Variants in TPO observed in about 807,000 individuals in gnomAD.
TPO encodes the protein thyroid peroxidase, also known as thyroid microsomal antigen.
In TPO, 78 loss-of-function variants were observed where a neutral mutation model predicts 96.9. The observed-to-expected ratio is 0.81, with a 90% CI of 0.67 to 0.97. The LOEUF (loss-of-function observed/expected upper bound fraction) is 0.97, where lower values mean the gene tolerates loss of function less well. Among genes scored for constraint, TPO ranks in the 50% least tolerant of loss-of-function variants. The pLI, the probability that TPO is intolerant of heterozygous loss-of-function variation, is 0.00. For missense variants in TPO, 1,252 were observed against 1,274.8 expected, an observed-to-expected ratio of 0.98 and a Z score of 0.27; for synonymous variants, 547 against 538.0, an observed-to-expected ratio of 1.02 and a Z score of -0.23.
intron 7 of TPO, among the ~76,000 whole-genome samples, chr2:1,476,441 C>A (rs1339819022): frequency 1.3e-5 from 2 of 152,196 alleles, no homozygotes; most frequent in African/African-American, 4.8e-5. Context: ...AAGATGGAAG[C>A]TGGCCACAGC....
chr2:1,453,824 G>A lies in TPO; in HGVS notation c.612+1G>A, dbSNP rs1558304580. The A allele has an allele frequency of 5.0e-6, 8 of 1,613,704 alleles. No individual in the cohort carries two copies. Among genetic ancestry groups the A allele is most frequent in the Non-Finnish European group, 4.2e-6 (5 of 1,180,026 alleles). On this transcript the variant is annotated splice_donor_variant, in intron 6 of 16. Transcript: ENST00000329066. LOFTEE classifies it high-confidence loss of function. ...GTACAACGGGTTCCCACTGCCCCCG[G>A]TGGGTACTCAGAACGCTACTATCCT...
intron 7 of TPO, among the ~76,000 whole-genome samples, chr2:1,465,246 C>T (rs1426135266): frequency 6.6e-6 from 1 of 152,138 alleles, no homozygotes; most frequent in Non-Finnish European, 1.5e-5. Context: ...CTATTCTATT[C>T]CATTGGTCTA....
chr2:1,463,314 G>A (rs1014755700), intron 7 of TPO, among the ~76,000 whole-genome samples: 5 of 152,132 alleles, frequency 3.3e-5, no homozygotes, highest in African/African-American at 1.2e-4. Flanking sequence ...AAAATATACC[G>A]TATACTCTAG....
chr2:1,437,426 T>G (rs1665689258), intron 5 of TPO, among the ~76,000 whole-genome samples: 1 of 148,154 alleles, frequency 6.7e-6, no homozygotes. Flanking sequence ...CTGCTGGGTG[T>G]GCTGAGGTCA....
rs1680649080 is a variant in TPO, at chr2:1,540,700, G to GC, written c.2727dup (p.Ala910ArgfsTer71). ...GGCCGTAGGGACCTCACCGCAGCGG[G>GC]CCGCAGCTCAGGACTCGGAGCAGGT... On this transcript the variant is annotated frameshift_variant, in exon 16 of 17. Coordinates refer to ENST00000329066, the MANE Select transcript of TPO (RefSeq NM_001206744.2). LOFTEE classifies it low-confidence loss of function (END_TRUNC). 1.2e-6 allele frequency: 2 copies of GC among 1,612,924 alleles called. No individual in the cohort carries two copies. Among genetic ancestry groups the GC allele is most frequent in the African/African-American group, 2.7e-5 (2 of 74,582 alleles).
At chr2:1,539,386 C>A (rs998332139) in intron 15 of TPO, among the ~76,000 whole-genome samples, 1 of 152,170 alleles carries the variant, frequency 6.6e-6, no homozygotes. Flanking sequence ...TCAAGCGACA[C>A]CCCAGCCCCC....
At chr2:1,418,147 C>T (rs1395417685) in intron 2 of TPO, among the ~76,000 whole-genome samples, 8 of 152,024 alleles carry the variant, frequency 5.3e-5, no homozygotes, top group East Asian at 1.9e-4. Flanking sequence ...ATTAGCTGGG[C>T]GTGGTGGTGC....
intron 7 of TPO, among the ~76,000 whole-genome samples, chr2:1,475,205 A>G (rs995098877): frequency 1.2e-4 from 19 of 152,130 alleles, no homozygotes; most frequent in African/African-American, 4.6e-4. Context: ...GTGCTCTTCA[A>G]TTTAATTCCT....
chr2:1,427,822 A>G (rs1664579758), intron 3 of TPO, among the ~76,000 whole-genome samples: 2 of 152,024 alleles, frequency 1.3e-5, no homozygotes, highest in African/African-American at 4.8e-5. Flanking sequence ...AATATTCACA[A>G]TTTGCTGTGA....
intron 11 of TPO, among the ~76,000 whole-genome samples, chr2:1,494,351 G>T (rs1221065791): frequency 6.6e-6 from 1 of 152,248 alleles, no homozygotes; most frequent in Non-Finnish European, 1.5e-5. Flanking sequence ...CCCGGAGACT[G>T]CATCCCATCC....
chr2:1,519,106 G>C (rs1216843324), intron 15 of TPO, among the ~76,000 whole-genome samples: 3 of 152,206 alleles, frequency 2.0e-5, no homozygotes, highest in Non-Finnish European at 4.4e-5. Context: ...ACAGGAACTG[G>C]GAGGGAGGCC....
In TPO at chr2:1,499,251, C is replaced by T. The variant is rs570636974; in HGVS notation, c.2386+2486C>T. On this transcript the variant is annotated intron_variant, in intron 13 of 16. Transcript: ENST00000329066. ...CGCCTGCCCTCTGACCTTCCACCTG[C>T]CCTCTGACCTTCCGCCTGGGACGTT... Among the ~76,000 whole-genome samples, 15 of 152,246 alleles carry T rather than the reference C, an allele frequency of 9.9e-5. No individual in the cohort carries two copies. In the East Asian group the frequency reaches 2.9e-3, roughly 30 times the overall value.
intron 7 of TPO, among the ~76,000 whole-genome samples, chr2:1,457,880 T>C (rs1222595321): frequency 6.6e-6 from 1 of 152,076 alleles, no homozygotes; most frequent in East Asian, 1.9e-4. Context: ...TGATCTCGGG[T>C]GGGCACGTGT....
chr2:1,440,149 A>ACCGTGCTGCGTTTCC (rs1431746334), intron 5 of TPO, among the ~76,000 whole-genome samples: 4 of 151,326 alleles, frequency 2.6e-5, no homozygotes, highest in African/African-American at 9.7e-5. Context: ...CTGCGTTTCC[A>ACCGTGCTGCGTTTCC]ATGTGCTGCG....
chr2:1,419,377 A>G (rs1193694594), intron 2 of TPO, among the ~76,000 whole-genome samples: 1 of 152,198 alleles, frequency 6.6e-6, no homozygotes, highest in East Asian at 1.9e-4. Flanking sequence ...TAACGATAGC[A>G]AGGGGCTCAG....
intron 5 of TPO, among the ~76,000 whole-genome samples, chr2:1,449,465 G>A (rs1309873503): frequency 6.6e-6 from 1 of 152,086 alleles, no homozygotes; most frequent in Non-Finnish European, 1.5e-5. Context: ...AGTTTTGCTG[G>A]AATGAAGCTC....
intron 14 of TPO, among the ~76,000 whole-genome samples, chr2:1,505,849 G>GC (rs563468633): frequency 7.1e-6 from 1 of 141,628 alleles, no homozygotes; most frequent in Admixed American, 7.0e-5. Context: ...CTTTTTGGCA[G>GC]TTTTTTTTTT....
chr2:1,499,737 C>T (rs1279353756), intron 13 of TPO, among the ~76,000 whole-genome samples: 1 of 152,162 alleles, frequency 6.6e-6, no homozygotes, highest in Admixed American at 6.5e-5. Flanking sequence ...ACCCATCGGC[C>T]AACCCTAACT....
At chr2:1,439,128 G>A (rs1665903352) in intron 5 of TPO, 2 of 385,654 alleles carry the variant, frequency 5.2e-6, no homozygotes, top group South Asian at 4.4e-5. Flanking sequence ...GTTCCTGCTC[G>A]GCCCTTCTGA....
Sources: allele counts gnomAD v4.1 joint callset (sites outside exome capture counted in the v4.1 genomes callset), GRCh38; gene constraint gnomAD v4.1.1; transcripts MANE v1.5; gene names NCBI Gene and HGNC (gene_info 2026-07-23, HGNC 2026-07-21).